LRP1B: variants seen among roughly 807,000 people sequenced by gnomAD.
LRP1B encodes the protein LDL receptor related protein 1B, also known as low-density lipoprotein receptor-related protein 1B.
Under a neutral mutation model 556.6 loss-of-function variants are expected in LRP1B, and 217 were observed. The ratio of observed to expected loss-of-function variants is 0.39; its 90% CI spans 0.35 to 0.44. LRP1B has a LOEUF of 0.44. Among genes scored for constraint, LRP1B ranks in the 20% least tolerant of loss-of-function variants. LRP1B has a pLI of 1.00. For synonymous variants in LRP1B, 2,047 were observed against 1,865.8 expected (o/e 1.10, Z -2.50); for missense variants, 5,053 against 5,620.8 (o/e 0.90, Z 3.23).
At chr2:140,930,181 G>A (rs1413197647) in intron 20 of LRP1B, among the ~76,000 whole-genome samples, 2 of 151,962 alleles carry the variant, frequency 1.3e-5, no homozygotes, top group African/African-American at 4.8e-5. Context: ...TTAAAATGAT[G>A]ACAATTTATA....
chr2:141,557,903 G>C (rs1048600387), intron 2 of LRP1B, among the ~76,000 whole-genome samples: 3 of 151,866 alleles, frequency 2.0e-5, no homozygotes, highest in Non-Finnish European at 2.9e-5. Context: ...GGGCAGTGAG[G>C]AAACAGATGG....
rs531291735 is a variant in LRP1B, at chr2:140,880,145, C to T, written c.4169+3672G>A. On this transcript the variant is annotated intron_variant, in intron 25 of 90. Transcript: ENST00000389484. ...GTTAAAAATTTAGTTTAACTAAATT[C>T]AGTTTTAGTTAAAAGCTGAATTTTT... 9.9e-5 allele frequency among the ~76,000 whole-genome samples: 15 copies of T among 152,130 alleles called. 1 individual carries two copies. The highest frequency in any genetic ancestry group is 5.9e-4 in the Admixed American group (9 of 15,262).
intron 1 of LRP1B, among the ~76,000 whole-genome samples, chr2:141,880,473 G>A (rs560407318): frequency 7.3e-5 from 11 of 151,434 alleles, no homozygotes; most frequent in Admixed American, 2.6e-4. Context: ...ATCATACAAC[G>A]AAAAAGAAAC....
At chr2:140,498,349 AT>A (rs896054329) in intron 55 of LRP1B, among the ~76,000 whole-genome samples, 19 of 151,978 alleles carry the variant, frequency 1.3e-4, no homozygotes, top group African/African-American at 4.3e-4. Context: ...AATATTGATC[AT>A]TTTATTTCTA....
At chr2:141,422,814 C>T (rs1680190594) in intron 3 of LRP1B, among the ~76,000 whole-genome samples, 2 of 152,104 alleles carry the variant, frequency 1.3e-5, no homozygotes, top group African/African-American at 4.8e-5. Context: ...ATTTTTCTAT[C>T]TTTCAAGGGA....
chr2:142,029,532 C>T (rs1703616570), intron 1 of LRP1B, among the ~76,000 whole-genome samples: 1 of 151,788 alleles, frequency 6.6e-6, no homozygotes, highest in East Asian at 1.9e-4. Context: ...AACAAACACA[C>T]ATGCTTGTAT....
At chr2:141,524,222 T>C (rs1684618619) in intron 2 of LRP1B, among the ~76,000 whole-genome samples, 1 of 151,460 alleles carries the variant, frequency 6.6e-6, no homozygotes, top group Non-Finnish European at 1.5e-5. Context: ...CAATAAAACT[T>C]CTATTCCATT....
At chr2:141,822,130 C>CACAGAGAGAGAGAGAGAGAGAGAGAG (rs374369026) in intron 1 of LRP1B, among the ~76,000 whole-genome samples, 5 of 95,862 alleles carry the variant, frequency 5.2e-5, no homozygotes, top group African/African-American at 2.2e-4. Context: ...CACACACACA[C>CACAGAGAGAGAGAGAGAGAGAGAGAG]AGAGAGAGAG....
At chr2:141,347,697 C>T (rs1378962302) in intron 3 of LRP1B, among the ~76,000 whole-genome samples, 1 of 151,804 alleles carries the variant, frequency 6.6e-6, no homozygotes, top group Non-Finnish European at 1.5e-5. Context: ...AGTAGCAGTA[C>T]CCTAGAATAT....
At chr2:140,555,875 G>A (rs978341040) in intron 43 of LRP1B, among the ~76,000 whole-genome samples, 1 of 151,968 alleles carries the variant, frequency 6.6e-6, no homozygotes, top group Non-Finnish European at 1.5e-5. Flanking sequence ...GGGTACAAAG[G>A]TTGTTATGTC....
chr2:141,487,691 C>G (rs967430706), intron 2 of LRP1B, among the ~76,000 whole-genome samples: 6 of 152,102 alleles, frequency 3.9e-5, no homozygotes, highest in African/African-American at 1.4e-4. Context: ...CTGGATCTTT[C>G]TTTATGCAAT....
At chr2:141,479,952 A>T (rs1682856793) in intron 3 of LRP1B, among the ~76,000 whole-genome samples, 1 of 152,108 alleles carries the variant, frequency 6.6e-6, no homozygotes, top group South Asian at 2.1e-4. Flanking sequence ...TGAAGGAAAA[A>T]TTTTCCTTCA....
intron 7 of LRP1B, among the ~76,000 whole-genome samples, chr2:141,092,525 T>G (rs1212593615): frequency 6.6e-6 from 1 of 152,220 alleles, no homozygotes; most frequent in East Asian, 1.9e-4. Flanking sequence ...TAATCACCTA[T>G]AGCTGTTATT....
chr2:141,238,854 G>A (rs1292166815), intron 5 of LRP1B, among the ~76,000 whole-genome samples: 1 of 152,024 alleles, frequency 6.6e-6, no homozygotes, highest in Non-Finnish European at 1.5e-5. Flanking sequence ...TGAAGAAAGA[G>A]CATTATTAAG....
At chr2:141,764,066 C>T (rs961724548) in intron 2 of LRP1B, among the ~76,000 whole-genome samples, 6 of 152,008 alleles carry the variant, frequency 3.9e-5, no homozygotes, top group African/African-American at 1.2e-4. Context: ...ATATGTCATC[C>T]GAAAATTCGG....
At chr2:140,420,058 T>G (rs1573916689) in intron 66 of LRP1B, among the ~76,000 whole-genome samples, 1 of 142,142 alleles carries the variant, frequency 7.0e-6, no homozygotes, top group Admixed American at 6.9e-5. Flanking sequence ...AGTTTAGAAC[T>G]GAGTGAAAAT....
chr2:141,639,310 A>G (rs1352535974), intron 2 of LRP1B, among the ~76,000 whole-genome samples: 568 of 4,828 alleles, frequency 0.12, 16 homozygotes, highest in Non-Finnish European at 0.17. Flanking sequence ...GTGTGTATAT[A>G]TATATATATA....
At chr2:141,469,264 T>C (rs953711416) in intron 3 of LRP1B, among the ~76,000 whole-genome samples, 5 of 152,238 alleles carry the variant, frequency 3.3e-5, no homozygotes, top group Non-Finnish European at 7.3e-5. Context: ...TTGTTTGATC[T>C]GATTCTGAAA....
At position 140,699,776 on chromosome 2, in the gene LRP1B, A is replaced by G. The variant is rs1686563018; in HGVS notation, c.6799+474T>C. On this transcript the variant is annotated intron_variant, in intron 41 of 90. Coordinates refer to ENST00000389484, the MANE Select transcript of LRP1B (RefSeq NM_018557.3). ...TTTTCTCATCTGCTACATATACATG[A>G]TATATCATATATAATATATATTATA... Among the ~76,000 whole-genome samples, 3 of 147,818 alleles carry G rather than the reference A, an allele frequency of 2.0e-5. 1 individual carries two copies. The Admixed American group carries it at 2.0e-4, about 10-fold the overall frequency.
Sources: allele counts gnomAD v4.1 joint callset (sites outside exome capture counted in the v4.1 genomes callset), GRCh38; gene constraint gnomAD v4.1.1; transcripts MANE v1.5; gene names NCBI Gene and HGNC (gene_info 2026-07-23, HGNC 2026-07-21).